SEMA3A: variants seen among roughly 807,000 people sequenced by gnomAD.
SEMA3A encodes semaphorin-3A.
SEMA3A carries 29 observed loss-of-function variants against 97.9 expected under a neutral mutation model. The ratio of observed to expected loss-of-function variants is 0.30; its 90% CI spans 0.22 to 0.40. The LOEUF is 0.40. Ranked by LOEUF, SEMA3A falls within the 10% of genes least tolerant of loss-of-function variation. The pLI is 1.00. For synonymous variants in SEMA3A, 321 were observed against 323.7 expected (o/e 0.99, Z 0.09); for missense variants, 763 against 951.3 (o/e 0.80, Z 2.60).
At chr7:84,154,887 T>C (rs1796793623) in intron 1 of SEMA3A, among the ~76,000 whole-genome samples, 1 of 151,986 alleles carries the variant, frequency 6.6e-6, no homozygotes, top group African/African-American at 2.4e-5. Flanking sequence ...TAAGAGACAA[T>C]ATTTTTAGAA....
chr7:84,246,257 G>T (rs56021068), intron 3 of SEMA3A, among the ~76,000 whole-genome samples: 1 of 152,148 alleles, frequency 6.6e-6, no homozygotes, highest in Non-Finnish European at 1.5e-5. Context: ...ATACAATTTC[G>T]TTGTTTTAAG....
At chr7:84,057,982 G>A (rs1793062340) in intron 5 of SEMA3A, among the ~76,000 whole-genome samples, 1 of 152,076 alleles carries the variant, frequency 6.6e-6, no homozygotes, top group South Asian at 2.1e-4. Flanking sequence ...GGCATTTTGG[G>A]AAGAAGTCAT....
At chr7:84,323,058 C>A (rs574732515) in intron 2 of SEMA3A, among the ~76,000 whole-genome samples, 1 of 151,984 alleles carries the variant, frequency 6.6e-6, no homozygotes, top group African/African-American at 2.4e-5. Flanking sequence ...AATAGTATAC[C>A]CTTTGTCAGT....
chr7:84,257,146 G>A (rs1191596425), intron 3 of SEMA3A, among the ~76,000 whole-genome samples: 1 of 151,940 alleles, frequency 6.6e-6, no homozygotes, highest in Non-Finnish European at 1.5e-5. Context: ...CTTAATTTCT[G>A]ACTCTATAGC....
In SEMA3A at chr7:84,217,591, A is replaced by G. The variant is rs776941795; in HGVS notation, c.-82-22923T>C. ...AGATGGGGTATGAAGAGGGAATCAC[A>G]GAAGAATAGGAGGGCAGAAATAAGA... On this transcript the variant is annotated intron_variant, in intron 3 of 3. Coordinates refer to the SEMA3A transcript ENST00000424555. 1.2e-4 allele frequency among the ~76,000 whole-genome samples: 19 copies of G among 152,302 alleles called. No homozygotes were observed. In the South Asian group the frequency reaches 2.5e-3, roughly 20 times the overall value.
intron 1 of SEMA3A, among the ~76,000 whole-genome samples, chr7:84,387,588 G>T (rs545027478): frequency 6.6e-6 from 1 of 152,234 alleles, no homozygotes; most frequent in Non-Finnish European, 1.5e-5. Flanking sequence ...TTGGCAATAA[G>T]ATTTCCTGCT....
chr7:84,105,697 C>A (rs1033039345), intron 4 of SEMA3A, among the ~76,000 whole-genome samples: 1 of 152,038 alleles, frequency 6.6e-6, no homozygotes, highest in Admixed American at 6.6e-5. Flanking sequence ...CTCCTAAATT[C>A]ATACTTTGTT....
At chr7:84,208,519 G>A (rs1798552506) in intron 3 of SEMA3A, among the ~76,000 whole-genome samples, 1 of 152,066 alleles carries the variant, frequency 6.6e-6, no homozygotes, top group South Asian at 2.1e-4. Context: ...AATGAGGGAG[G>A]CAATGTAAGA....
intron 4 of SEMA3A, 122 bp from the exon 5 acceptor site, chr7:84,060,680 T>C (rs1793180903): frequency 3.3e-6 from 2 of 597,062 alleles, no homozygotes; most frequent in South Asian, 8.6e-5. Context: ...TTATTTTTAT[T>C]TGTTCAAATT....
chr7:84,414,913 A>G (rs1804391299), intron 1 of SEMA3A, among the ~76,000 whole-genome samples: 1 of 152,206 alleles, frequency 6.6e-6, no homozygotes, highest in Admixed American at 6.6e-5. Context: ...GTTAGATAAC[A>G]TTATTGTTAA....
chr7:84,152,025 T>G (rs1230813856), intron 1 of SEMA3A, among the ~76,000 whole-genome samples: 2 of 148,970 alleles, frequency 1.3e-5, no homozygotes, highest in African/African-American at 2.5e-5. Context: ...TGGCAATCAT[T>G]AAAAAGTCAG....
intron 1 of SEMA3A, among the ~76,000 whole-genome samples, chr7:84,410,647 C>T (rs1029334748): frequency 2.0e-5 from 3 of 152,002 alleles, no homozygotes; most frequent in Non-Finnish European, 4.4e-5. Flanking sequence ...AGTTCCTTTC[C>T]CAGTGTATTT....
chr7:84,434,160 T>G (rs2116325434), intron 1 of SEMA3A, among the ~76,000 whole-genome samples: 1 of 152,256 alleles, frequency 6.6e-6, no homozygotes, highest in Admixed American at 6.5e-5. Flanking sequence ...TTTACATTTC[T>G]CAGATAATTA....
chr7:84,279,811 G>A (rs1056028562), intron 3 of SEMA3A, among the ~76,000 whole-genome samples: 5 of 152,162 alleles, frequency 3.3e-5, no homozygotes, highest in Non-Finnish European at 7.4e-5. Context: ...CACTAGGAAT[G>A]TGTGATATTG....
chr7:84,424,398 T>A (rs1804687113), intron 1 of SEMA3A, among the ~76,000 whole-genome samples: 1 of 133,034 alleles, frequency 7.5e-6, no homozygotes, highest in Non-Finnish European at 1.5e-5. Flanking sequence ...TAATACAATA[T>A]GAAATATAAT....
At position 84,005,346 on chromosome 7, in the gene SEMA3A, G is replaced by A. The variant is rs138570323; in HGVS notation, c.1353C>T (p.Ile451=). ...AEDGQYDVMF[I]GTDVGTVLKV... ...TGAAATTTAAAAATTTACCTGTTCC[G>A]ATAAACATAACATCATACTGTCCAT... is the stretch of plus-strand genomic sequence containing the variant. Residue 451 remains isoleucine, a synonymous_variant, in exon 11 of 17, where the codon ATC becomes ATT. Coordinates refer to ENST00000265362, the MANE Select transcript of SEMA3A (RefSeq NM_006080.3). 2.2e-5 allele frequency: 36 copies of A among 1,610,832 alleles called. No individual in the cohort carries two copies. In the African/African-American group the frequency reaches 3.5e-4, roughly 16 times the overall value.
chr7:83,968,683 CTTTATT>C (rs1252335060), intron 15 of SEMA3A, among the ~76,000 whole-genome samples: 1 of 151,024 alleles, frequency 6.6e-6, no homozygotes, highest in African/African-American at 2.4e-5. Context: ...TTTATCTTAT[CTTTATT>C]TTTACCAAAC....
chr7:83,987,347 C>T (rs1292471370), intron 12 of SEMA3A, among the ~76,000 whole-genome samples: 1 of 152,144 alleles, frequency 6.6e-6, no homozygotes, highest in Non-Finnish European at 1.5e-5. Flanking sequence ...AAATTGTCCA[C>T]TGAGGTTTGT....
At chr7:84,436,874 A>C (rs916175682) in intron 1 of SEMA3A, among the ~76,000 whole-genome samples, 4 of 152,158 alleles carry the variant, frequency 2.6e-5, no homozygotes, top group African/African-American at 9.7e-5. Context: ...ATGTTTCCTG[A>C]AGGTGTAAAC....
Sources: allele counts gnomAD v4.1 joint callset (sites outside exome capture counted in the v4.1 genomes callset), GRCh38; gene constraint gnomAD v4.1.1; transcripts MANE v1.5; gene names NCBI Gene and HGNC (gene_info 2026-07-23, HGNC 2026-07-21).